Variants in SPMIP7 observed in about 807,000 individuals in gnomAD.
The protein encoded by SPMIP7 is sperm microtubule inner protein 7.
At chr7:50,134,096 A>C in the SPMIP7 span, 1 of 1,527,242 alleles carries the variant, frequency 6.5e-7, no homozygotes, top group Non-Finnish European at 8.8e-7. Flanking sequence ...TTCCTATTTA[A>C]TAACTTCATA....
chr7:50,096,607 A>G, the SPMIP7 span: 1 of 1,549,822 alleles, frequency 6.5e-7, no homozygotes, highest in Non-Finnish European at 8.7e-7. Flanking sequence ...CCAGGGAAGT[A>G]CCAGACATTT....
chr7:50,118,129 A>C, the SPMIP7 span, among the ~76,000 whole-genome samples: 1 of 152,168 alleles, frequency 6.6e-6, no homozygotes, highest in African/African-American at 2.4e-5. Flanking sequence ...CCTATTTAAC[A>C]AACTGTGAAA....
the SPMIP7 span, chr7:50,140,022 G>A: frequency 4.3e-6 from 3 of 692,670 alleles, no homozygotes; most frequent in Non-Finnish European, 6.9e-6. Flanking sequence ...ACCTTTAAAG[G>A]ACAATTCCTA....
the SPMIP7 span, among the ~76,000 whole-genome samples, chr7:50,139,577 TA>T: frequency 6.6e-6 from 1 of 152,198 alleles, no homozygotes; most frequent in Non-Finnish European, 1.5e-5. Flanking sequence ...CCAGTTTACA[TA>T]GATCCACTTA....
At chr7:50,151,717 A>G in the SPMIP7 span, among the ~76,000 whole-genome samples, 3 of 152,124 alleles carry the variant, frequency 2.0e-5, no homozygotes, top group South Asian at 4.1e-4. Context: ...ATAATTTTCC[A>G]TTTTCCTACT....
the SPMIP7 span, among the ~76,000 whole-genome samples, chr7:50,099,336 G>A: frequency 2.6e-5 from 4 of 152,088 alleles, no homozygotes; most frequent in Non-Finnish European, 5.9e-5. Flanking sequence ...TGATTCTCTT[G>A]ACCTTGGTGA....
chr7:50,136,075 T>A, the SPMIP7 span: 1 of 1,526,460 alleles, frequency 6.6e-7, no homozygotes, highest in Non-Finnish European at 8.9e-7. Flanking sequence ...TTAACTGTCA[T>A]TGATTTTGAC....
chr7:50,103,094 C>T, the SPMIP7 span, among the ~76,000 whole-genome samples: 1 of 149,162 alleles, frequency 6.7e-6, no homozygotes, highest in Non-Finnish European at 1.5e-5. Flanking sequence ...TAGGTGGCAT[C>T]TGTGATAGAG....
chr7:50,119,589 A>G, the SPMIP7 span, among the ~76,000 whole-genome samples: 1 of 152,328 alleles, frequency 6.6e-6, no homozygotes, highest in South Asian at 2.1e-4. Flanking sequence ...TGTCTGTGTT[A>G]CCAGTGACAG....
At chr7:50,139,697 G>A in the SPMIP7 span, among the ~76,000 whole-genome samples, 7 of 152,152 alleles carry the variant, frequency 4.6e-5, no homozygotes, top group Non-Finnish European at 7.3e-5. Context: ...CCTCCTGTAC[G>A]TAAATGTTCC....
chr7:50,142,226 G>T, the SPMIP7 span: 1 of 152,270 alleles, frequency 6.6e-6, no homozygotes, highest in East Asian at 1.9e-4. Context: ...ATTTAGGATT[G>T]TTTCTTCTTT....
At chr7:50,119,529 T>C in the SPMIP7 span, among the ~76,000 whole-genome samples, 97 of 152,300 alleles carry the variant, frequency 6.4e-4, no homozygotes, top group South Asian at 0.018. Context: ...ATTGTTAAAT[T>C]TGTAGCTAAT....
the SPMIP7 span, chr7:50,134,026 T>C: frequency 2.4e-6 from 3 of 1,273,518 alleles, no homozygotes; most frequent in African/African-American, 1.5e-5. Context: ...CTTCGGATTC[T>C]CTTATCATAG....
the SPMIP7 span, among the ~76,000 whole-genome samples, chr7:50,115,186 T>C: frequency 6.6e-6 from 1 of 152,128 alleles, no homozygotes; most frequent in East Asian, 1.9e-4. Flanking sequence ...TCAGACAAAG[T>C]GAATTTCAGA....
the SPMIP7 span, among the ~76,000 whole-genome samples, chr7:50,137,183 A>G: frequency 0.46 from 70,617 of 151,930 alleles, 16,852 homozygotes; most frequent in East Asian, 0.73. Flanking sequence ...CATATGAAAA[A>G]TTACATATGA....
the SPMIP7 span, among the ~76,000 whole-genome samples, chr7:50,110,703 TATATAATATATTGC>T: frequency 1.7e-5 from 2 of 116,414 alleles, no homozygotes; most frequent in Admixed American, 1.1e-4. Context: ...TACATATTAT[TATATAATATATTGC>T]ATATATTATA....
the SPMIP7 span, among the ~76,000 whole-genome samples, chr7:50,123,445 A>T: frequency 6.9e-6 from 1 of 145,110 alleles, no homozygotes; most frequent in African/African-American, 2.5e-5. Context: ...GAGGGATAGC[A>T]TTAGGAGATA....
At chr7:50,129,042 A>T in the SPMIP7 span, among the ~76,000 whole-genome samples, 1 of 152,028 alleles carries the variant, frequency 6.6e-6, no homozygotes, top group African/African-American at 2.4e-5. Flanking sequence ...TTACTAAAAA[A>T]ATCATCACTA....
the SPMIP7 span, among the ~76,000 whole-genome samples, chr7:50,133,600 G>A: frequency 6.6e-6 from 1 of 152,090 alleles, no homozygotes; most frequent in East Asian, 1.9e-4. Context: ...CAGAAGTCTA[G>A]GTATGTCCCA....
Sources: gnomAD v4.1 joint callset for allele counts (sites outside exome capture counted in the v4.1 genomes callset) on GRCh38, gnomAD v4.1.1 for gene constraint, MANE v1.5 for transcripts, NCBI Gene and HGNC (gene_info 2026-07-23, HGNC 2026-07-21) for gene names.